Variants in TNS1 observed in about 807,000 individuals in gnomAD.
The protein encoded by TNS1 is tensin 1, also known as tensin-1.
TNS1 carries 62 observed loss-of-function variants against 168.6 expected under a neutral mutation model. That is an observed-to-expected ratio of 0.37 (90% CI 0.30 to 0.45). TNS1 has a LOEUF of 0.45. Among genes scored for constraint, TNS1 ranks in the 20% least tolerant of loss-of-function variants. The pLI is 1.00. For missense variants in TNS1, 2,240 were observed against 2,339.4 expected (o/e 0.96, Z 0.88); for synonymous variants, 934 against 933.2 (o/e 1.00, Z -0.02).
In TNS1 at chr2:217,940,697, A is replaced by G. The variant is rs565881606; in HGVS notation, c.187-20461T>C. ...GCGGTGGTTGAGTTGGGTGATCTCAATCTCCTACTGTGTCACCCTCTCTGG... is the reference window on the plus strand; with the variant it reads ...GCGGTGGTTGAGTTGGGTGATCTCAGTCTCCTACTGTGTCACCCTCTCTGG... On this transcript the variant is annotated intron_variant, in intron 3 of 32. Coordinates refer to ENST00000682258, the MANE Select transcript of TNS1 (RefSeq NM_001387777.1). Among the ~76,000 whole-genome samples, 12 of 152,144 alleles carry G rather than the reference A, an allele frequency of 7.9e-5. No homozygotes were observed. In the South Asian group the frequency reaches 1.5e-3, roughly 18 times the overall value.
chr2:217,964,051 G>A (rs562409644), intron 3 of TNS1, among the ~76,000 whole-genome samples: 6 of 152,150 alleles, frequency 3.9e-5, no homozygotes, highest in Admixed American at 1.3e-4. Context: ...CTCACAAGAC[G>A]GCTGGTCCAG....
intron 18 of TNS1, among the ~76,000 whole-genome samples, chr2:217,861,188 GA>G (rs1231308846): frequency 6.6e-6 from 1 of 152,088 alleles, no homozygotes; most frequent in Non-Finnish European, 1.5e-5. Context: ...CTCAACATAG[GA>G]AAAAACACCC....
chr2:217,960,640 A>C (rs1431726607), intron 3 of TNS1, among the ~76,000 whole-genome samples: 1 of 152,164 alleles, frequency 6.6e-6, no homozygotes, highest in Non-Finnish European at 1.5e-5. Context: ...ACACCCCACC[A>C]GTGCGGGAAG....
intron 12 of TNS1, among the ~76,000 whole-genome samples, chr2:217,888,747 G>A (rs564881766): frequency 1.3e-5 from 2 of 152,336 alleles, no homozygotes; most frequent in East Asian, 1.9e-4. Flanking sequence ...CTTCCGCCAT[G>A]ATTGTGAGAC....
At chr2:218,002,033 G>C (rs1030502679) in intron 1 of TNS1, among the ~76,000 whole-genome samples, 1 of 152,164 alleles carries the variant, frequency 6.6e-6, no homozygotes, top group Non-Finnish European at 1.5e-5. Flanking sequence ...CTGAGGAAGG[G>C]GTCCTCTCCT....
rs1410315350 is a variant in TNS1 at position 217,986,575 on chromosome 2, A to G, written c.148+4367T>C. ...CCTCCCTCTGGGGCCTCCTGTGCAC[A>G]TGGACTCCCATAGAGCACTTCCCTA... is the stretch of plus-strand genomic sequence containing the variant. On this transcript the variant is annotated intron_variant, in intron 2 of 32. Transcript: ENST00000682258. The surrounding 1 kb of genome is among the most constrained non-coding windows in gnomAD (Gnocchi z 4.7). Among the ~76,000 whole-genome samples the G allele has an allele frequency of 3.3e-5, 5 of 152,086 alleles. No individual in the cohort carries two copies. The highest frequency in any genetic ancestry group is 7.4e-5 in the Non-Finnish European group (5 of 68,012).
intron 27 of TNS1, 30 bp from the exon 28 acceptor site, chr2:217,812,475 C>A (rs771769060): frequency 1.0e-4 from 160 of 1,600,354 alleles, no homozygotes; most frequent in Admixed American, 3.4e-4. Context: ...ATGTCATGGG[C>A]AGTGATACTG....
At chr2:217,867,134 TA>T (rs1313484099) in intron 18 of TNS1, among the ~76,000 whole-genome samples, 1 of 152,144 alleles carries the variant, frequency 6.6e-6, no homozygotes, top group African/African-American at 2.4e-5. Flanking sequence ...TACAAGAAAT[TA>T]TGGGTACCTA....
intron 3 of TNS1, among the ~76,000 whole-genome samples, chr2:217,976,274 C>T (rs1338826866): frequency 6.6e-6 from 1 of 152,196 alleles, no homozygotes; most frequent in African/African-American, 2.4e-5. Context: ...AAGGAGATTA[C>T]TAATGAATCC....
chr2:217,800,065 G>A lies in TNS1; in HGVS notation c.*4394C>T, dbSNP rs765362631. ...GGGCCTGGGAGGCAGGGAGGGTGGT[G>A]GGAAGGGATTTCTTACATTTGTTCT... is the stretch of plus-strand genomic sequence containing the variant. On this transcript the variant is annotated 3_prime_UTR_variant, in exon 33 of 33. Transcript: ENST00000682258. The A allele has an allele frequency of 5.9e-5, 9 of 152,212 alleles. No individual in the cohort carries two copies. The highest frequency in any genetic ancestry group is 1.2e-4 in the Non-Finnish European group (8 of 68,048). The allele number at this position is 152,212 out of a possible 1,614,324, so 9.4% of individuals were successfully genotyped here. A position where few individuals can be genotyped will look rare whatever the true frequency, so the allele number is the denominator to read the frequency against.
intron 32 of TNS1, among the ~76,000 whole-genome samples, chr2:217,807,167 TA>T (rs1165120886): frequency 6.6e-6 from 1 of 152,240 alleles, no homozygotes; most frequent in African/African-American, 2.4e-5. Context: ...AGCAGTATTT[TA>T]CAGCTATAAA....
At chr2:218,029,349 T>C (rs1357445325) in intron 1 of TNS1, among the ~76,000 whole-genome samples, 1 of 152,270 alleles carries the variant, frequency 6.6e-6, no homozygotes, top group Non-Finnish European at 1.5e-5. Context: ...CATTGAATGA[T>C]TCCTTTGATT....
chr2:217,879,542 G>C (rs975379921), intron 18 of TNS1: 1 of 378,932 alleles, frequency 2.6e-6, no homozygotes, highest in African/African-American at 2.2e-5. Context: ...TGGGAACTGA[G>C]GCAGGTGTGA....
In TNS1 at chr2:217,900,647, C is replaced by G. The variant is rs777625850; in HGVS notation, c.322-135G>C. 14 of 981,252 alleles carry G rather than the reference C, an allele frequency of 1.4e-5. No individual in the cohort carries two copies. The East Asian group carries it at 2.9e-4, about 21-fold the overall frequency. The allele number at this position is 981,252 out of a possible 1,614,324, so 60.8% of individuals were successfully genotyped here. A position where few individuals can be genotyped will look rare whatever the true frequency, so the allele number is the denominator to read the frequency against. ...CAACATTCTGGCCCTGCCACCCTAACCCCTGCAAAAACACAGCCTGCCCGA... is the reference window on the plus strand; with the variant it reads ...CAACATTCTGGCCCTGCCACCCTAAGCCCTGCAAAAACACAGCCTGCCCGA... On this transcript the variant is annotated intron_variant, in intron 6 of 32. Transcript: ENST00000682258.
At position 217,833,529 on chromosome 2, in the gene TNS1, T is replaced by C. The variant is rs116020751; in HGVS notation, c.3280+1562A>G. ...CAGTTCTAGCACAGCCCAGGTGGCT[T>C]CCACCCAAGGCAAGGTGATGTCCTT... On this transcript the variant is annotated intron_variant, in intron 21 of 32. Coordinates refer to ENST00000682258, the MANE Select transcript of TNS1 (RefSeq NM_001387777.1). Among the ~76,000 whole-genome samples the C allele has an allele frequency of 8.1e-3, 1,239 of 152,338 alleles. 19 individuals are homozygous for C. The highest frequency in any genetic ancestry group is 0.028 in the African/African-American group (1,173 of 41,586).
At chr2:217,912,281 T>A (rs73990612) in intron 4 of TNS1, among the ~76,000 whole-genome samples, 3,483 of 152,268 alleles carry the variant, frequency 0.023, 72 homozygotes, top group Admixed American at 0.062. Flanking sequence ...GAGGTTCCCA[T>A]GCCTGAGCCC....
At position 217,804,247 on chromosome 2, in the gene TNS1, C is replaced by T. The variant is rs1937955007; in HGVS notation, c.*212G>A. 1.1e-5 allele frequency: 6 copies of T among 567,234 alleles called. No individual in the cohort carries two copies. In the South Asian group the frequency reaches 1.4e-4, roughly 13 times the overall value. 35.1% of individuals were successfully genotyped at this position (567,234 alleles called of 1,614,324 possible). A position where few individuals can be genotyped will look rare whatever the true frequency, so the allele number is the denominator to read the frequency against. ...TACCCAGGGGAATCCAAGTTCTTCT[C>T]CTCCATCTTTCTCTCTCTCTCTCTC... On this transcript the variant is annotated 3_prime_UTR_variant, in exon 33 of 33. Transcript: ENST00000682258.
At chr2:218,014,933 C>A (rs139208613), upstream of TNS1, among the ~76,000 whole-genome samples, 16 of 145,058 alleles carry the variant, frequency 1.1e-4, no homozygotes, top group East Asian at 2.0e-3. Flanking sequence ...GGCAGGCAGG[C>A]AGGCAGGCAG....
rs567734789 is a variant in TNS1 at position 217,854,989 on chromosome 2, C to T, written c.1430-5902G>A. On this transcript the variant is annotated intron_variant, in intron 18 of 32. Coordinates refer to ENST00000682258, the MANE Select transcript of TNS1 (RefSeq NM_001387777.1). ...CCTGCAGGCCTGTCAGGTGAGGATT[C>T]GAGAGTGTGTGTGCAGCTTTGCTGA... 5.9e-5 allele frequency among the ~76,000 whole-genome samples: 9 copies of T among 152,320 alleles called. No homozygotes were observed. In the South Asian group the frequency reaches 1.7e-3, roughly 28 times the overall value.
Sources: allele counts gnomAD v4.1 joint callset (sites outside exome capture counted in the v4.1 genomes callset), GRCh38; gene constraint gnomAD v4.1.1; non-coding constraint Gnocchi (gnomAD v3.1); transcripts MANE v1.5; gene names NCBI Gene and HGNC (gene_info 2026-07-23, HGNC 2026-07-21).